EBF1: variants seen among roughly 807,000 people sequenced by gnomAD.
EBF1 encodes the protein transcription factor COE1.
A neutral mutation model predicts 68.4 loss-of-function variants in EBF1; 10 were observed. That is an observed-to-expected ratio of 0.15 (90% confidence interval 0.09 to 0.25). The LOEUF (loss-of-function observed/expected upper bound fraction) is 0.25, where lower values mean the gene tolerates loss of function less well. Ranked by LOEUF, EBF1 falls within the 10% of genes least tolerant of loss-of-function variation. The pLI is 1.00. For synonymous variants in EBF1, 298 were observed against 299.8 expected (o/e 0.99, Z 0.06); for missense variants, 509 against 794.4 (o/e 0.64, Z 4.32).
intron 6 of EBF1, among the ~76,000 whole-genome samples, chr5:158,910,526 T>C (rs1314340808): frequency 6.6e-6 from 1 of 152,206 alleles, no homozygotes; most frequent in African/African-American, 2.4e-5. Flanking sequence ...GATCCTATAC[T>C]AAAGAACCAG....
chr5:159,044,772 G>A (rs926952376), intron 6 of EBF1, among the ~76,000 whole-genome samples: 3 of 152,176 alleles, frequency 2.0e-5, no homozygotes, highest in African/African-American at 7.2e-5. Flanking sequence ...AATATAAAGA[G>A]TGTAGTTATT....
intron 4 of EBF1, among the ~76,000 whole-genome samples, chr5:159,095,204 C>T (rs1782370549): frequency 6.6e-6 from 1 of 152,180 alleles, no homozygotes; most frequent in African/African-American, 2.4e-5. Flanking sequence ...CTCTGCCACC[C>T]CTCCTCCGCC....
chr5:158,851,379 G>A (rs1195926151), intron 6 of EBF1, among the ~76,000 whole-genome samples: 3 of 109,990 alleles, frequency 2.7e-5, no homozygotes, highest in East Asian at 3.3e-4. Flanking sequence ...AAAGGGAAGG[G>A]AAGGGGAATG....
At chr5:158,916,525 T>C (rs1241989275) in intron 6 of EBF1, among the ~76,000 whole-genome samples, 1 of 152,172 alleles carries the variant, frequency 6.6e-6, no homozygotes, top group Non-Finnish European at 1.5e-5. Context: ...ATACTTAAGG[T>C]GGCCCTGGAA....
chr5:158,879,752 A>T (rs1038992419), intron 6 of EBF1, among the ~76,000 whole-genome samples: 2 of 152,206 alleles, frequency 1.3e-5, no homozygotes, highest in Admixed American at 6.5e-5. Flanking sequence ...ATTTGAGTTT[A>T]TTAGAGGAGA....
At chr5:158,897,992 A>G (rs1435412761) in intron 6 of EBF1, among the ~76,000 whole-genome samples, 1 of 152,202 alleles carries the variant, frequency 6.6e-6, no homozygotes, top group East Asian at 1.9e-4. Flanking sequence ...GCTGGCCATC[A>G]CTATTTGCCA....
At chr5:158,956,063 T>C (rs1817013908) in intron 6 of EBF1, among the ~76,000 whole-genome samples, 1 of 151,764 alleles carries the variant, frequency 6.6e-6, no homozygotes, top group Non-Finnish European at 1.5e-5. Flanking sequence ...TGTGTGTGTG[T>C]GTGTGTGTGT....
At chr5:158,814,072 A>G (rs1305897807) in intron 8 of EBF1, among the ~76,000 whole-genome samples, 1 of 152,228 alleles carries the variant, frequency 6.6e-6, no homozygotes, top group Non-Finnish European at 1.5e-5. Context: ...AGTTCTGACC[A>G]GGCTGGCTCA....
intron 10 of EBF1, among the ~76,000 whole-genome samples, chr5:158,753,799 T>C (rs1769450595): frequency 6.6e-6 from 1 of 152,114 alleles, no homozygotes; most frequent in African/African-American, 2.4e-5. Flanking sequence ...AGCACCACCA[T>C]AGCTTTCTCA....
At chr5:158,994,327 G>A (rs1397064534) in intron 6 of EBF1, among the ~76,000 whole-genome samples, 1 of 152,208 alleles carries the variant, frequency 6.6e-6, no homozygotes, top group Non-Finnish European at 1.5e-5. Flanking sequence ...TGGGTACTGT[G>A]TACAGTGGCT....
rs575995158 is a variant in EBF1 at position 158,803,658 on chromosome 5, CAAAT to C, written c.779-7187_779-7184del. 7.2e-5 allele frequency among the ~76,000 whole-genome samples: 11 copies of C among 151,872 alleles called. No individual in the cohort carries two copies. In the South Asian group the frequency reaches 1.5e-3, roughly 20 times the overall value. ...TTTCAGAATGCTAACTCCAAATAAA[CAAAT>C]AAACTCAGCCAATAAACAAACAAAC... On this transcript the variant is annotated intron_variant, in intron 8 of 15. Transcript: ENST00000313708.
chr5:158,804,294 A>G (rs957795226), intron 8 of EBF1, among the ~76,000 whole-genome samples: 1 of 152,050 alleles, frequency 6.6e-6, no homozygotes, highest in African/African-American at 2.4e-5. Flanking sequence ...AATAGTGTCT[A>G]AGTTCCAATT....
chr5:158,935,632 A>G (rs577893523), intron 6 of EBF1, among the ~76,000 whole-genome samples: 1 of 152,326 alleles, frequency 6.6e-6, no homozygotes, highest in East Asian at 1.9e-4. Flanking sequence ...ACAAACTAAC[A>G]TGATTATTTT....
intron 6 of EBF1, among the ~76,000 whole-genome samples, chr5:159,058,317 G>T (rs1166674494): frequency 6.6e-6 from 1 of 152,202 alleles, no homozygotes; most frequent in Admixed American, 6.5e-5. Context: ...ATTCCTGAAA[G>T]CTCTCACTTT....
chr5:158,934,818 A>G (rs961748127), intron 6 of EBF1, among the ~76,000 whole-genome samples: 3 of 152,252 alleles, frequency 2.0e-5, no homozygotes, highest in African/African-American at 7.2e-5. Context: ...CCTTCCCAGA[A>G]GAAGCAGTAA....
intron 6 of EBF1, among the ~76,000 whole-genome samples, chr5:158,898,592 A>G (rs2127277531): frequency 6.6e-6 from 1 of 152,330 alleles, no homozygotes; most frequent in South Asian, 2.1e-4. Flanking sequence ...ATAGAAAACA[A>G]TTGTTGGGTA....
intron 8 of EBF1, among the ~76,000 whole-genome samples, chr5:158,819,269 C>T (rs1023740016): frequency 6.6e-6 from 1 of 152,234 alleles, no homozygotes. Context: ...ACCATAGCTG[C>T]AAGCGCTAAT....
At chr5:158,842,075 C>G in intron 6 of EBF1, among the ~76,000 whole-genome samples, 1 of 152,304 alleles carries the variant, frequency 6.6e-6, no homozygotes, top group South Asian at 2.1e-4. Flanking sequence ...TCTCCTTTTC[C>G]GGTACCAAGA....
chr5:158,740,610 AC>A (rs1766124632), intron 10 of EBF1, among the ~76,000 whole-genome samples: 1 of 152,254 alleles, frequency 6.6e-6, no homozygotes, highest in Non-Finnish European at 1.5e-5. Context: ...TAATGGAATT[AC>A]AGAGAACTTA....
Sources: gnomAD v4.1 joint callset for allele counts (sites outside exome capture counted in the v4.1 genomes callset) on GRCh38, gnomAD v4.1.1 for gene constraint, MANE v1.5 for transcripts, NCBI Gene and HGNC (gene_info 2026-07-23, HGNC 2026-07-21) for gene names.